The following KCNG2 variants were observed in gnomAD, a reference collection of about 807,000 sequenced individuals.
The protein encoded by KCNG2 is voltage-gated potassium channel regulatory subunit KCNG2.
In KCNG2, 7 loss-of-function variants were observed where a neutral mutation model predicts 12.3. That is an observed-to-expected ratio of 0.57 (90% CI 0.32 to 1.07). The LOEUF is 1.07. Ranked by LOEUF, KCNG2 falls within the 50% of genes least tolerant of loss-of-function variation. The pLI is 0.04. For missense variants in KCNG2, 703 were observed against 726.0 expected (o/e 0.97, Z 0.36); for synonymous variants, 414 against 351.4 (o/e 1.18, Z -1.99).
chr18:79,850,457 T>C (rs1034639687), intron 1 of KCNG2, among the ~76,000 whole-genome samples: 1 of 152,254 alleles, frequency 6.6e-6, no homozygotes, highest in Admixed American at 6.5e-5. Flanking sequence ...GTCCATGTTT[T>C]ATTCAGAGTT....
chr18:79,806,690 T>C (rs186281689), intron 1 of KCNG2, among the ~76,000 whole-genome samples: 1 of 152,344 alleles, frequency 6.6e-6, no homozygotes, highest in African/African-American at 2.4e-5. Flanking sequence ...TTAGGGTGTT[T>C]TGATTTACTG....
intron 1 of KCNG2, among the ~76,000 whole-genome samples, chr18:79,828,446 G>GGTGTGTGTGTGCAAGT (rs3042173): frequency 1.3e-5 from 2 of 151,030 alleles, no homozygotes; most frequent in Admixed American, 1.3e-4. Context: ...GCAAGTGTGT[G>GGTGTGTGTGTGCAAGT]GTGTGTGTGC....
chr18:79,873,171 C>T (rs1979919700), intron 3 of KCNG2, among the ~76,000 whole-genome samples: 1 of 152,194 alleles, frequency 6.6e-6, no homozygotes, highest in Non-Finnish European at 1.5e-5. Context: ...TTGCTTTGGG[C>T]CTCGGTCCCA....
chr18:79,810,728 C>T (rs891693824), intron 1 of KCNG2, among the ~76,000 whole-genome samples: 1 of 152,210 alleles, frequency 6.6e-6, no homozygotes, highest in African/African-American at 2.4e-5. Context: ...CACACCATCA[C>T]ACTCCAGTCT....
chr18:79,848,808 C>T lies in KCNG2; in HGVS notation c.-114-7571C>T, dbSNP rs112379102. Among the ~76,000 whole-genome samples, 55 of 152,254 alleles carry T rather than the reference C, an allele frequency of 3.6e-4. 1 individual carries two copies. The highest frequency in any genetic ancestry group is 1.4e-3 in the Admixed American group (21 of 15,304). ...CGTTCCCCAGAGGCCGCGGCATTCC[C>T]GGTGAAGCCAGACTGCCCGGCTGGA... On this transcript the variant is annotated intron_variant, in intron 1 of 3. Coordinates refer to ENST00000316249, the MANE Select transcript of KCNG2 (RefSeq NM_012283.2).
chr18:79,815,471 T>C (rs2087522245), intron 1 of KCNG2, among the ~76,000 whole-genome samples: 2 of 149,628 alleles, frequency 1.3e-5, no homozygotes, highest in South Asian at 4.2e-4. Flanking sequence ...AATCCTTTAA[T>C]GGTTTATGAG....
chr18:79,859,012 C>T (rs372329673), intron 2 of KCNG2, among the ~76,000 whole-genome samples: 2 of 152,046 alleles, frequency 1.3e-5, no homozygotes, highest in Admixed American at 6.6e-5. Context: ...TTTTTTCCAC[C>T]GTTACTTGTC....
chr18:79,834,237 C>T (rs141510414), intron 1 of KCNG2, among the ~76,000 whole-genome samples: 26 of 152,330 alleles, frequency 1.7e-4, no homozygotes, highest in Non-Finnish European at 2.8e-4. Flanking sequence ...TCGGCGGCAC[C>T]AGCACTGAGC....
At chr18:79,817,700 G>T (rs2087540691) in intron 1 of KCNG2, among the ~76,000 whole-genome samples, 1 of 152,318 alleles carries the variant, frequency 6.6e-6, no homozygotes, top group East Asian at 1.9e-4. Context: ...GCCCCATTCT[G>T]CCCTCCCTCC....
At chr18:79,834,542 G>T (rs1485855295) in intron 1 of KCNG2, among the ~76,000 whole-genome samples, 1 of 152,212 alleles carries the variant, frequency 6.6e-6, no homozygotes, top group Non-Finnish European at 1.5e-5. Flanking sequence ...TGGGACCGGG[G>T]TCCACCGAGC....
intron 3 of KCNG2, among the ~76,000 whole-genome samples, chr18:79,873,408 C>T (rs1215377028): frequency 2.7e-5 from 4 of 148,600 alleles, no homozygotes; most frequent in African/African-American, 5.0e-5. Flanking sequence ...CCACGGGTGC[C>T]GCTCCTGCCG....
chr18:79,863,666 G>T lies in KCNG2; in HGVS notation c.-2G>T, dbSNP rs761645513. On this transcript the variant is annotated 5_prime_UTR_variant, in exon 3 of 4. Transcript: ENST00000316249. ...GCCCCTCGGTCCGGTCCGGCCCTGC[G>T]CATGGAGCCATGGCCCTGCTCCCCG... 1.7e-6 allele frequency: 2 copies of T among 1,210,034 alleles called. No individual in the cohort carries two copies. Among genetic ancestry groups the T allele is most frequent in the Non-Finnish European group, 2.1e-6 (2 of 973,146 alleles). 75.0% of individuals were successfully genotyped at this position (1,210,034 alleles called of 1,614,324 possible).
chr18:79,807,254 T>C lies in KCNG2; in HGVS notation c.-115+9240T>C, dbSNP rs146539701. The stretch of plus-strand genomic sequence containing the variant: ...CGTCGCGTAGTCTGATGTTTTTGCA[T>C]GAAAGTGAGGTCCTCTGAGGGAGAT... On this transcript the variant is annotated intron_variant, in intron 1 of 3. Coordinates refer to ENST00000316249, the MANE Select transcript of KCNG2 (RefSeq NM_012283.2). Among the ~76,000 whole-genome samples, 4 of 152,242 alleles carry C rather than the reference T, an allele frequency of 2.6e-5. No homozygotes were observed. In the East Asian group the frequency reaches 7.7e-4, roughly 29 times the overall value.
At chr18:79,831,562 T>G (rs35525202) in intron 1 of KCNG2, among the ~76,000 whole-genome samples, 7,994 of 44,734 alleles carry the variant, frequency 0.18, 712 homozygotes, top group Non-Finnish European at 0.29. Context: ...GTGCCCTGCG[T>G]ACAGAGCCTT....
intron 1 of KCNG2, among the ~76,000 whole-genome samples, chr18:79,833,083 A>C (rs1451341484): frequency 6.6e-6 from 1 of 152,114 alleles, no homozygotes; most frequent in Admixed American, 6.5e-5. Flanking sequence ...GTGTTCCTCA[A>C]GCTCTATAAT....
intron 2 of KCNG2, among the ~76,000 whole-genome samples, chr18:79,859,993 G>A (rs952954420): frequency 2.0e-5 from 3 of 152,234 alleles, no homozygotes; most frequent in Non-Finnish European, 4.4e-5. Flanking sequence ...TCTTCAGGCT[G>A]TAAAGGAGGC....
At chr18:79,830,530 G>A (rs1289577564) in intron 1 of KCNG2, among the ~76,000 whole-genome samples, 1 of 152,278 alleles carries the variant, frequency 6.6e-6, no homozygotes, top group Non-Finnish European at 1.5e-5. Context: ...GAAGGGTGAT[G>A]GAATGTGGGG....
At chr18:79,880,972 A>T (rs950612416) in intron 3 of KCNG2, among the ~76,000 whole-genome samples, 21 of 152,244 alleles carry the variant, frequency 1.4e-4, no homozygotes, top group Admixed American at 2.6e-4. Context: ...GATAGAGAAC[A>T]TCTACCAAAA....
At chr18:79,885,226 TAAAA>T (rs1980477887) in intron 3 of KCNG2, among the ~76,000 whole-genome samples, 1 of 152,090 alleles carries the variant, frequency 6.6e-6, no homozygotes, top group Non-Finnish European at 1.5e-5. Context: ...GAATGTCTGT[TAAAA>T]AGCACAAAAA....
Sources: allele counts gnomAD v4.1 joint callset (sites outside exome capture counted in the v4.1 genomes callset), GRCh38; gene constraint gnomAD v4.1.1; transcripts MANE v1.5; gene names NCBI Gene and HGNC (gene_info 2026-07-23, HGNC 2026-07-21).